Variants in CYFIP2 observed in about 807,000 individuals in gnomAD.
The protein encoded by CYFIP2 is cytoplasmic FMR1 interacting protein 2, also known as cytoplasmic FMR1-interacting protein 2.
In CYFIP2, 29 loss-of-function variants were observed where a neutral mutation model predicts 158.7. The ratio of observed to expected loss-of-function variants is 0.18; its 90% confidence interval spans 0.14 to 0.25. CYFIP2 has a LOEUF of 0.25. CYFIP2 is among the 10% of genes least tolerant of loss of function. The probability of loss-of-function intolerance (pLI) is 1.00; values close to 1 mark genes in which losing one functional copy is unlikely to be tolerated. For synonymous variants in CYFIP2, 585 were observed against 617.6 expected, an observed-to-expected ratio of 0.95 and a Z score of 0.78; for missense variants, 852 against 1,639.5, an observed-to-expected ratio of 0.52 and a Z score of 8.29.
intron 26 of CYFIP2, among the ~76,000 whole-genome samples, chr5:157,381,352 G>A (rs1275853336): frequency 7.3e-6 from 1 of 136,396 alleles, no homozygotes; most frequent in Non-Finnish European, 1.5e-5. Flanking sequence ...CTATCACATT[G>A]TAGGTATGAT....
At chr5:157,392,147 A>G (rs190199029) in intron 30 of CYFIP2, among the ~76,000 whole-genome samples, 1 of 152,018 alleles carries the variant, frequency 6.6e-6, no homozygotes, top group East Asian at 1.9e-4. Flanking sequence ...CATATTCTAG[A>G]TATTACTTAT....
chr5:157,381,361 A>C (rs1339647128), intron 26 of CYFIP2, among the ~76,000 whole-genome samples: 4 of 123,258 alleles, frequency 3.2e-5, no homozygotes, highest in Admixed American at 1.5e-4. Flanking sequence ...TGTAGGTATG[A>C]TAAAAAAAAA....
rs995382444 is a variant in CYFIP2 at position 157,383,308 on chromosome 5, G to A, written c.3156G>A (p.Lys1052=). 3 of 1,613,944 alleles carry A rather than the reference G, an allele frequency of 1.9e-6. No individual in the cohort carries two copies. The highest frequency in any genetic ancestry group is 1.7e-5 in the Admixed American group (1 of 60,018). The part of the protein sequence containing the change: ...LEVRMKRLEA[K]YAPLHLVPLI... ...TCCGGATGAAACGTCTGGAAGCCAA[G>A]TATGCCCCGCTCCACCTGGTCCCTC... Residue 1052 remains lysine (K), a synonymous_variant, in exon 28 of 31, where the codon AAG becomes AAA. Coordinates refer to ENST00000620254, the MANE Select transcript of CYFIP2 (RefSeq NM_001037333.3).
chr5:157,382,288 G>A (rs1766204306), intron 26 of CYFIP2, among the ~76,000 whole-genome samples: 1 of 152,120 alleles, frequency 6.6e-6, no homozygotes, highest in Non-Finnish European at 1.5e-5. Context: ...ACAAATTCCT[G>A]ATAAGATTAT....
At chr5:157,285,531 T>C in intron 2 of CYFIP2, 53 bp downstream of exon 2, 1 of 1,491,290 alleles carries the variant, frequency 6.7e-7, no homozygotes, top group Non-Finnish European at 9.1e-7. Context: ...GGGGATCCCC[T>C]AAGAGAGTTT....
At chr5:157,272,908 C>T (rs1351766852) in intron 1 of CYFIP2, among the ~76,000 whole-genome samples, 1 of 152,096 alleles carries the variant, frequency 6.6e-6, no homozygotes, top group Non-Finnish European at 1.5e-5. Context: ...CTCTTGTTCC[C>T]CAAGCTGGAG....
At chr5:157,357,877 T>TA (rs1763523130) in intron 23 of CYFIP2, among the ~76,000 whole-genome samples, 1 of 151,894 alleles carries the variant, frequency 6.6e-6, no homozygotes, top group Non-Finnish European at 1.5e-5. Flanking sequence ...AAACCTTATG[T>TA]AAAAAACTGA....
intron 26 of CYFIP2, chr5:157,363,333 C>G (rs1022374649): frequency 1.3e-5 from 2 of 152,212 alleles, no homozygotes; most frequent in African/African-American, 4.8e-5. Context: ...GCGTGGCGAG[C>G]CTCTTCATTG....
intron 1 of CYFIP2, among the ~76,000 whole-genome samples, chr5:157,276,641 A>C (rs920061620): frequency 6.6e-6 from 1 of 152,172 alleles, no homozygotes; most frequent in African/African-American, 2.4e-5. Flanking sequence ...CCTTATACCA[A>C]AATGAAGAGA....
intron 8 of CYFIP2, among the ~76,000 whole-genome samples, chr5:157,304,993 G>A (rs1759094304): frequency 6.6e-6 from 1 of 152,102 alleles, no homozygotes; most frequent in Non-Finnish European, 1.5e-5. Context: ...ACTTATAAAT[G>A]AGAACATACA....
chr5:157,368,179 T>TATGGGATGTG (rs1764607322), intron 26 of CYFIP2, among the ~76,000 whole-genome samples: 1 of 152,240 alleles, frequency 6.6e-6, no homozygotes, highest in Admixed American at 6.5e-5. Context: ...TGACTGCCTC[T>TATGGGATGTG]ATGGGATGTG....
At chr5:157,325,065 C>T (rs907891700) in intron 16 of CYFIP2, among the ~76,000 whole-genome samples, 1 of 151,996 alleles carries the variant, frequency 6.6e-6, no homozygotes, top group Admixed American at 6.5e-5. Flanking sequence ...GGCTCAAACT[C>T]CTGACCTCAA....
chr5:157,342,623 C>A, intron 23 of CYFIP2: 1 of 454,498 alleles, frequency 2.2e-6, no homozygotes, highest in South Asian at 6.1e-5. Context: ...CAATTCTTAA[C>A]TGTGTCCTCC....
At chr5:157,292,564 A>G (rs974012596) in intron 3 of CYFIP2, among the ~76,000 whole-genome samples, 16 of 152,294 alleles carry the variant, frequency 1.1e-4, no homozygotes, top group African/African-American at 3.6e-4. Context: ...GTGTATTGGT[A>G]GTTCGTTACT....
chr5:157,383,185 A>G lies in CYFIP2; in HGVS notation c.3113-80A>G, dbSNP rs1766302661. ...ATTTTTGGAATGCAGATACATCATC[A>G]GGTCCTTTGGGAGTTTTTCCTTCCC... On this transcript the variant is annotated intron_variant, in intron 27 of 30. Transcript: ENST00000620254. 1.1e-5 allele frequency: 13 copies of G among 1,209,722 alleles called. No homozygotes were observed. The South Asian group carries it at 1.1e-4, about 11-fold the overall frequency. 74.9% of individuals were successfully genotyped at this position (1,209,722 alleles called of 1,614,324 possible).
At chr5:157,268,843 G>A (rs1755841831) in intron 1 of CYFIP2, among the ~76,000 whole-genome samples, 3 of 152,194 alleles carry the variant, frequency 2.0e-5, no homozygotes. Context: ...GATGGCCCCT[G>A]CATCAGTAGT....
chr5:157,311,425 C>G lies in CYFIP2; in HGVS notation c.993-239C>G, dbSNP rs1370109453. On this transcript the variant is annotated intron_variant, in intron 10 of 30. Transcript: ENST00000620254. The surrounding 1 kb of genome is among the most constrained non-coding windows in gnomAD (Gnocchi z 4.7). ...ATTATGGACCAGGTATCTGGAAAGGCCTACAGTTGGATCCTAGATGAGGCT... is the reference window on the plus strand; with the variant it reads ...ATTATGGACCAGGTATCTGGAAAGGGCTACAGTTGGATCCTAGATGAGGCT... 7.2e-6 allele frequency: 4 copies of G among 553,604 alleles called. No individual in the cohort carries two copies. The African/African-American group carries it at 7.6e-5, about 10-fold the overall frequency. 34.3% of individuals were successfully genotyped at this position (553,604 alleles called of 1,614,324 possible).
rs1191574022 is a variant in CYFIP2 at position 157,326,279 on chromosome 5, G to C, written c.2079+12G>C. The C allele has an allele frequency of 3.7e-6, 6 of 1,603,888 alleles. No homozygotes were observed. Among genetic ancestry groups the C allele is most frequent in the Non-Finnish European group, 5.1e-6 (6 of 1,171,008 alleles). ...AGATAGAAGCTGAGGCAAGTGATGT[G>C]CTTCTCTTTTTGCTCCTTTAATCTT... On this transcript the variant is annotated intron_variant, in intron 18 of 30. Transcript: ENST00000620254.
chr5:157,357,742 A>G (rs1283088030), intron 23 of CYFIP2, among the ~76,000 whole-genome samples: 5 of 152,110 alleles, frequency 3.3e-5, no homozygotes, highest in African/African-American at 1.2e-4. Context: ...GAAGCAGGAG[A>G]ATTGCTTGAA....
Sources: gnomAD v4.1 joint callset for allele counts (sites outside exome capture counted in the v4.1 genomes callset) on GRCh38, gnomAD v4.1.1 for gene constraint, Gnocchi (gnomAD v3.1) non-coding constraint, MANE v1.5 for transcripts, NCBI Gene and HGNC (gene_info 2026-07-23, HGNC 2026-07-21) for gene names.